FRMD4A: variants seen among roughly 807,000 people sequenced by gnomAD.
FRMD4A encodes FERM domain containing 4A.
FRMD4A carries 29 observed loss-of-function variants against 129.1 expected under a neutral mutation model. The observed-to-expected ratio is 0.22, with a 90% CI of 0.17 to 0.31. The LOEUF is 0.31. Among genes scored for constraint, FRMD4A ranks in the 10% least tolerant of loss-of-function variants. The pLI is 1.00. For synonymous variants in FRMD4A, 634 were observed against 571.6 expected (o/e 1.11, Z -1.56); for missense variants, 1,272 against 1,375.8 (o/e 0.92, Z 1.19).
At chr10:14,116,239 A>G (rs1838190544) in intron 2 of FRMD4A, among the ~76,000 whole-genome samples, 1 of 152,202 alleles carries the variant, frequency 6.6e-6, no homozygotes, top group African/African-American at 2.4e-5. Context: ...AAACACAGGG[A>G]CATGTTTCAC....
intron 2 of FRMD4A, among the ~76,000 whole-genome samples, chr10:14,056,764 A>G (rs1834553322): frequency 6.6e-6 from 1 of 152,188 alleles, no homozygotes; most frequent in South Asian, 2.1e-4. Context: ...GCAAATAGTC[A>G]GGCATTTCAC....
intron 2 of FRMD4A, among the ~76,000 whole-genome samples, chr10:14,139,680 G>A (rs1589059197): frequency 6.6e-6 from 1 of 152,052 alleles, no homozygotes; most frequent in Non-Finnish European, 1.5e-5. Context: ...GAATGCCTGG[G>A]CTCAAGCAAT....
chr10:13,670,896 G>A (rs2083456179), intron 16 of FRMD4A, among the ~76,000 whole-genome samples: 1 of 152,172 alleles, frequency 6.6e-6, no homozygotes, highest in African/African-American at 2.4e-5. Flanking sequence ...CAGCCAGTGA[G>A]GAGCAGTGTC....
At chr10:14,119,129 A>G (rs1315750389) in intron 2 of FRMD4A, among the ~76,000 whole-genome samples, 1 of 152,172 alleles carries the variant, frequency 6.6e-6, no homozygotes, top group African/African-American at 2.4e-5. Context: ...GAAAGCACTC[A>G]GGGCAGGCCA....
intron 2 of FRMD4A, among the ~76,000 whole-genome samples, chr10:14,014,454 G>T (rs533991559): frequency 1.3e-5 from 2 of 152,162 alleles, no homozygotes; most frequent in Non-Finnish European, 2.9e-5. Flanking sequence ...GGAGGGGGGA[G>T]TTTGGAAGGG....
intron 2 of FRMD4A, among the ~76,000 whole-genome samples, chr10:13,976,546 ATTTT>A (rs61706353): frequency 0.31 from 46,775 of 148,998 alleles, 7,647 homozygotes; most frequent in East Asian, 0.6. Flanking sequence ...AGACAGAGGA[ATTTT>A]TTTTTTTTTA....
At chr10:14,311,731 C>G (rs757160396) in intron 2 of FRMD4A, among the ~76,000 whole-genome samples, 2 of 152,052 alleles carry the variant, frequency 1.3e-5, no homozygotes, top group Non-Finnish European at 2.9e-5. Flanking sequence ...AAAATCAAGC[C>G]AACCCCCATC....
intron 2 of FRMD4A, among the ~76,000 whole-genome samples, chr10:14,040,279 A>T (rs1045162461): frequency 3.9e-5 from 6 of 152,128 alleles, no homozygotes; most frequent in African/African-American, 1.4e-4. Flanking sequence ...GCTCCCTGTC[A>T]CCGAGAGAAA....
chr10:13,706,323 CAA>C (rs1359145451), intron 13 of FRMD4A, among the ~76,000 whole-genome samples: 2 of 151,664 alleles, frequency 1.3e-5, no homozygotes, highest in African/African-American at 2.4e-5. Flanking sequence ...CAGCGGCAGA[CAA>C]AGAGAGGAAA....
intron 2 of FRMD4A, among the ~76,000 whole-genome samples, chr10:14,015,826 T>C (rs1319991817): frequency 6.6e-6 from 1 of 152,186 alleles, no homozygotes; most frequent in Non-Finnish European, 1.5e-5. Flanking sequence ...AAATATATAA[T>C]TTAGTTAGTT....
chr10:13,693,443 A>C, intron 15 of FRMD4A: 7 of 973,788 alleles, frequency 7.2e-6, no homozygotes, highest in Non-Finnish European at 9.1e-6. Flanking sequence ...GACACGATGG[A>C]GAGAGTATTC....
At chr10:13,650,830 C>T (rs983431497) in intron 24 of FRMD4A, among the ~76,000 whole-genome samples, 7 of 152,204 alleles carry the variant, frequency 4.6e-5, no homozygotes, top group Non-Finnish European at 7.3e-5. Context: ...TCTGTCTCCA[C>T]CTGTCTAAGC....
intron 2 of FRMD4A, among the ~76,000 whole-genome samples, chr10:13,866,041 G>A (rs1474498985): frequency 6.6e-6 from 1 of 152,058 alleles, no homozygotes; most frequent in East Asian, 1.9e-4. Flanking sequence ...CCACCACGTT[G>A]TTTCTGATAT....
At chr10:14,203,148 C>T (rs186132464) in intron 2 of FRMD4A, among the ~76,000 whole-genome samples, 3 of 152,228 alleles carry the variant, frequency 2.0e-5, no homozygotes, top group Non-Finnish European at 2.9e-5. Context: ...GTATACTACA[C>T]ATTCACTGGC....
At chr10:14,077,216 AC>A (rs1835666092) in intron 2 of FRMD4A, among the ~76,000 whole-genome samples, 1 of 152,216 alleles carries the variant, frequency 6.6e-6, no homozygotes. Context: ...GATCCCCAAG[AC>A]AAAAAATATG....
At chr10:14,227,450 C>T (rs183534573) in intron 2 of FRMD4A, among the ~76,000 whole-genome samples, 123 of 151,866 alleles carry the variant, frequency 8.1e-4, no homozygotes, top group African/African-American at 2.8e-3. Flanking sequence ...TGAGGTTTCG[C>T]CATGTTGGCT....
chr10:14,133,975 G>T (rs569677293), intron 2 of FRMD4A, among the ~76,000 whole-genome samples: 1 of 152,284 alleles, frequency 6.6e-6, no homozygotes, highest in African/African-American at 2.4e-5. Flanking sequence ...TTGTTTCTTG[G>T]TATCTGATTG....
At chr10:13,771,896 AT>A (rs2092464088) in intron 6 of FRMD4A, among the ~76,000 whole-genome samples, 1 of 152,012 alleles carries the variant, frequency 6.6e-6, no homozygotes, top group African/African-American at 2.4e-5. Flanking sequence ...CCTGGGCAAC[AT>A]GGTGAAACCC....
chr10:14,139,624 G>T (rs1026792127), intron 2 of FRMD4A, among the ~76,000 whole-genome samples: 2 of 151,414 alleles, frequency 1.3e-5, no homozygotes, highest in Non-Finnish European at 2.9e-5. Flanking sequence ...TAATTTTTTT[G>T]TGATTTGTAG....
Sources: gnomAD v4.1 joint callset for allele counts (sites outside exome capture counted in the v4.1 genomes callset) on GRCh38, gnomAD v4.1.1 for gene constraint, MANE v1.5 for transcripts, NCBI Gene and HGNC (gene_info 2026-07-23, HGNC 2026-07-21) for gene names.